Variants in CELSR2 observed in about 807,000 individuals in gnomAD.
The protein encoded by CELSR2 is cadherin EGF LAG seven-pass G-type receptor 2, also known as EGF-like protein 2.
Under a neutral mutation model 251.6 loss-of-function variants are expected in CELSR2, and 81 were observed. That is an observed-to-expected ratio of 0.32 (90% CI 0.27 to 0.39). The LOEUF is 0.39. Among genes scored for constraint, CELSR2 ranks in the 10% least tolerant of loss-of-function variants. The pLI, the probability that CELSR2 is intolerant of heterozygous loss-of-function variation, is 1.00. For synonymous variants in CELSR2, 1,721 were observed against 1,670.5 expected (o/e 1.03, Z -0.74); for missense variants, 3,365 against 3,947.7 (o/e 0.85, Z 3.96).
At chr1:109,262,742 G>A in intron 6 of CELSR2, 64 bp from the exon 7 acceptor site, 2 of 1,581,526 alleles carry the variant, frequency 1.3e-6, no homozygotes, top group Non-Finnish European at 1.7e-6. Flanking sequence ...CCTGGCGGCA[G>A]AGCGAGCGGA....
chr1:109,271,580 T>C lies in CELSR2; in HGVS notation c.7804-20T>C, dbSNP rs758872361. On this transcript the variant is annotated intron_variant, in intron 27 of 33. Transcript: ENST00000271332. ...GGATGCCTGAATATGCACAGACCGT[T>C]GCTGCCTCTTGCCTGCCAGGGCCCC... 1 of 1,614,122 alleles carries C rather than the reference T, an allele frequency of 6.2e-7. No individual in the cohort carries two copies.
intron 24 of CELSR2, 134 bp from the exon 25 acceptor site, chr1:109,270,793 A>G: frequency 1.0e-6 from 1 of 990,116 alleles, no homozygotes; most frequent in Non-Finnish European, 1.5e-6. Context: ...TCCTGGGGAG[A>G]TCGGTAGGGG....
intron 28 of CELSR2, 103 bp downstream of exon 28, chr1:109,271,825 C>A: frequency 7.1e-7 from 1 of 1,414,024 alleles, no homozygotes; most frequent in Non-Finnish European, 9.7e-7. Context: ...TTTTCTCCAT[C>A]CCTTCCTGGA....
Position 109,250,016 on chromosome 1 carries a change from G to A in CELSR2, c.-64G>A. The A allele has an allele frequency of 6.4e-6, 8 of 1,246,810 alleles. No homozygotes were observed. The highest frequency in any genetic ancestry group is 3.3e-5 in the East Asian group (1 of 30,496). The allele number at this position is 1,246,810 out of a possible 1,614,324, so 77.2% of individuals were successfully genotyped here. ...CCCGGGCATGAGGCGCGGCGGGGCCGGCAGGAGCCGGAGGAGGAGCCGCCG... is the reference window on the plus strand; with the variant it reads ...CCCGGGCATGAGGCGCGGCGGGGCCAGCAGGAGCCGGAGGAGGAGCCGCCG... On this transcript the variant is annotated 5_prime_UTR_variant, in exon 1 of 34. Coordinates refer to ENST00000271332, the MANE Select transcript of CELSR2 (RefSeq NM_001408.3). This position sits in a 1 kb window ranked among gnomAD's most constrained non-coding sequence, Gnocchi z 4.4.
chr1:109,267,894 G>A lies in CELSR2; in HGVS notation c.6152G>A (p.Arg2051His), dbSNP rs781660638. 13 of 1,609,588 alleles carry A rather than the reference G, an allele frequency of 8.1e-6. No individual in the cohort carries two copies. Among genetic ancestry groups the A allele is most frequent in the South Asian group, 4.4e-5 (4 of 91,052 alleles). Residue 2051 changes from arginine (R) to histidine (H), a missense_variant, in exon 17 of 34, where the codon CGC (arginine) becomes CAC (histidine). By Grantham distance (29) the Arg-to-His change is conservative. Coordinates refer to ENST00000271332, the MANE Select transcript of CELSR2 (RefSeq NM_001408.3). ...AATGAGTCAGGCCTAGACTCAGGGC[G>A]CTCCCAGCAGCTAGCCCTGCTCCTG... The part of the protein sequence containing the change: ...QRNESGLDSG[R>H]SQQLALLLRN...
rs181587600 is a variant in CELSR2, at chr1:109,267,839, C to T, written c.6109-12C>T. On this transcript the variant is annotated splice_polypyrimidine_tract_variant and intron_variant, in intron 16 of 33. Coordinates refer to ENST00000271332, the MANE Select transcript of CELSR2 (RefSeq NM_001408.3). Reference sequence around the variant, plus strand: ...TGCCCTCACTCCTGCTCCTCCGCTCCGTCCTGTCTAGGCTGAGCGGCTACA... The same window carrying T: ...TGCCCTCACTCCTGCTCCTCCGCTCTGTCCTGTCTAGGCTGAGCGGCTACA... 9.2e-5 allele frequency: 147 copies of T among 1,594,828 alleles called. No individual in the cohort carries two copies. The African/African-American group carries it at 1.6e-3, about 17-fold the overall frequency.
intron 14 of CELSR2, 40 bp from the exon 15 acceptor site, chr1:109,266,065 G>A (rs1488919055): frequency 1.2e-6 from 2 of 1,608,862 alleles, no homozygotes; most frequent in East Asian, 4.5e-5. Flanking sequence ...GACAGCAGAG[G>A]GAGAGCTGCT....
chr1:109,275,421 ACT>A lies in CELSR2; in HGVS notation c.*1373_*1374del, dbSNP rs1197039037. On this transcript the variant is annotated 3_prime_UTR_variant, in exon 34 of 34. Transcript: ENST00000271332. ...TCCAAGCATGTATTCCAGACTTGTC[ACT>A]GACTTTCCTTCTGGAGCAGGTGGCT... The A allele has an allele frequency of 6.6e-6, 1 of 152,202 alleles. No homozygotes were observed. The highest frequency in any genetic ancestry group is 1.5e-5 in the Non-Finnish European group (1 of 68,048). The allele number at this position is 152,202 out of a possible 1,614,324, so 9.4% of individuals were successfully genotyped here.
Position 109,253,095 on chromosome 1 carries a change from C to T in CELSR2, c.3016C>T (p.Arg1006Trp), listed in dbSNP as rs371671031. The change falls in exon 1 of 34, where the codon CGG becomes TGG. Residue 1006 changes from arginine (R) to tryptophan (W), a missense_variant. Physicochemically the swap from Arg to Trp is moderately radical, Grantham distance 101. Coordinates refer to ENST00000271332, the MANE Select transcript of CELSR2 (RefSeq NM_001408.3). ...GGCCACGTCAGCTCCTCTGGTGAGC[C>T]GGGCTACAGTCCACGTCCGCCTCCT... ...IQATSAPLVS[R>W]ATVHVRLLDR... 34 of 1,613,600 alleles carry T rather than the reference C, an allele frequency of 2.1e-5. No homozygotes were observed. The highest frequency in any genetic ancestry group is 2.9e-5 in the Non-Finnish European group (34 of 1,180,040).
In CELSR2 at chr1:109,258,494, C is replaced by T. The variant is rs1655924295; in HGVS notation, c.3373C>T (p.Leu1125Phe). 4 of 1,602,904 alleles carry T rather than the reference C, an allele frequency of 2.5e-6. No individual in the cohort carries two copies. The highest frequency in any genetic ancestry group is 3.4e-6 in the Non-Finnish European group (4 of 1,174,692). Residue 1125 changes from leucine (L) to phenylalanine (F), a missense_variant, in exon 2 of 34, where the codon CTC becomes TTC. Physicochemically the swap from Leu to Phe is conservative, Grantham distance 22. Coordinates refer to ENST00000271332, the MANE Select transcript of CELSR2 (RefSeq NM_001408.3). ...TGTGACCATCATCACCGATGAGATG[C>T]TCACCCACAGCATCACGCTGCGCCT... ...LRVTIITDEM[L>F]THSITLRLED...
chr1:109,264,707 C>A, intron 11 of CELSR2, 79 bp downstream of exon 11: 1 of 1,577,028 alleles, frequency 6.3e-7, no homozygotes, highest in Non-Finnish European at 8.7e-7. Context: ...TGACCTGGGG[C>A]ATGGGGCATC....
Position 109,252,791 on chromosome 1 carries a change from T to A in CELSR2, c.2712T>A (p.Pro904=). The part of the protein sequence containing the change: ...VDKGMPPART[P]MEVTVTVLDV... Reference sequence around the variant, plus strand: ...AGGGGATGCCCCCAGCCCGCACACCTATGGAAGTGACAGTCACTGTGTTGG... The same window carrying A: ...AGGGGATGCCCCCAGCCCGCACACCAATGGAAGTGACAGTCACTGTGTTGG... Residue 904 remains proline (P), a synonymous_variant, in exon 1 of 34, where the codon CCT becomes CCA. Transcript: ENST00000271332. This position sits in a 1 kb window ranked among gnomAD's most constrained non-coding sequence, Gnocchi z 4.8. 1.9e-6 allele frequency: 3 copies of A among 1,613,966 alleles called. No homozygotes were observed. In the South Asian group the frequency reaches 3.3e-5, roughly 18 times the overall value.
chr1:109,270,104 C>G lies in CELSR2; in HGVS notation c.7279C>G (p.Leu2427Val), dbSNP rs753067418. ...CCTGGGCCTGGCTCAGCTGGTCTTC[C>G]TCCTGGGAATCAACCAGGCTGACCT... ...AALGLAQLVF[L>V]LGINQADLPF... Residue 2427 changes from leucine to valine, a missense_variant, in exon 23 of 34, where the codon CTC (leucine) becomes GTC (valine). Coordinates refer to ENST00000271332, the MANE Select transcript of CELSR2 (RefSeq NM_001408.3). The G allele has an allele frequency of 3.7e-6, 6 of 1,614,058 alleles. No homozygotes were observed. Among genetic ancestry groups the G allele is most frequent in the Non-Finnish European group, 5.1e-6 (6 of 1,180,000 alleles).
At chr1:109,266,326 G>A in intron 15 of CELSR2, 120 bp downstream of exon 15, 1 of 1,190,584 alleles carries the variant, frequency 8.4e-7, no homozygotes, top group Non-Finnish European at 1.2e-6. Context: ...CAGGTCCTGG[G>A]ATTTCATTTC....
In CELSR2 at chr1:109,269,832, A is replaced by T; in HGVS notation, c.7107+12A>T. The T allele has an allele frequency of 6.2e-7, 1 of 1,612,602 alleles. No homozygotes were observed. The highest frequency in any genetic ancestry group is 1.3e-5 in the African/African-American group (1 of 74,962). On this transcript the variant is annotated intron_variant, in intron 22 of 33. Transcript: ENST00000271332. The surrounding 1 kb of genome is among the most constrained non-coding windows in gnomAD (Gnocchi z 6.4). Reference sequence around the variant, plus strand: ...TTTCTCGGCGGGAGGTCGGGCCCACAGGGGCAGCTGCAGAGCCGTGGGTGG... The same window carrying T: ...TTTCTCGGCGGGAGGTCGGGCCCACTGGGGCAGCTGCAGAGCCGTGGGTGG...
chr1:109,260,954 C>T, intron 2 of CELSR2, 88 bp from the exon 3 acceptor site: 1 of 991,992 alleles, frequency 1.0e-6, no homozygotes, highest in East Asian at 2.4e-5. Context: ...CACGGGAGGC[C>T]ATGGGAGCTA....
Position 109,264,930 on chromosome 1 carries a change from T to C in CELSR2, c.5527T>C (p.Cys1843Arg). Residue 1843 changes from cysteine to arginine, a missense_variant, in exon 12 of 34, where the codon TGT (cysteine) becomes CGT (arginine). Cys to Arg is a radical substitution (Grantham distance 180). Around this residue, in one of 5 missense-constraint regions of CELSR2, gnomAD observed 2,093 missense variants for 2,382.8 expected, o/e 0.88. Coordinates refer to ENST00000271332, the MANE Select transcript of CELSR2 (RefSeq NM_001408.3). ...GAACCCGTGTGAGCACCAGTCTGTG[T>C]GTACCCGCAAGCCCAGTGCCCCCCA... ...DLNPCEHQSV[C>R]TRKPSAPHGY... The C allele has an allele frequency of 6.2e-7, 1 of 1,614,206 alleles. No individual in the cohort carries two copies. The highest frequency in any genetic ancestry group is 8.5e-7 in the Non-Finnish European group (1 of 1,180,032).
chr1:109,270,237 C>T, intron 23 of CELSR2, 104 bp downstream of exon 23: 1 of 1,343,246 alleles, frequency 7.4e-7, no homozygotes, highest in Non-Finnish European at 1.0e-6. Context: ...TAATAAGGTG[C>T]CTAGTGCAGC....
intron 28 of CELSR2, 103 bp downstream of exon 28, chr1:109,271,825 C>T (rs1209419496): frequency 1.4e-6 from 2 of 1,413,914 alleles, no homozygotes; most frequent in East Asian, 2.5e-5. Context: ...TTTTCTCCAT[C>T]CCTTCCTGGA....
Sources: allele counts gnomAD v4.1 joint callset, GRCh38; gene constraint gnomAD v4.1.1; regional missense constraint gnomAD v4.1.1; non-coding constraint Gnocchi (gnomAD v3.1); transcripts MANE v1.5; gene names NCBI Gene and HGNC (gene_info 2026-07-23, HGNC 2026-07-21).